The following PEAK1 variants were observed in gnomAD, a reference collection of about 807,000 sequenced individuals.
PEAK1 encodes the protein inactive tyrosine-protein kinase PEAK1.
A neutral mutation model predicts 124.7 loss-of-function variants in PEAK1; 54 were observed. That is an observed-to-expected ratio of 0.43 (90% CI 0.35 to 0.54). The LOEUF (loss-of-function observed/expected upper bound fraction) is 0.54, where lower values mean the gene tolerates loss of function less well. Among genes scored for constraint, PEAK1 ranks in the 20% least tolerant of loss-of-function variants. The probability of loss-of-function intolerance (pLI) is 0.01; values close to 1 mark genes in which losing one functional copy is unlikely to be tolerated. For synonymous variants in PEAK1, 719 were observed against 760.0 expected, an observed-to-expected ratio of 0.95 and a Z score of 0.89; for missense variants, 2,046 against 2,134.5, an observed-to-expected ratio of 0.96 and a Z score of 0.82.
At chr15:77,116,808 G>A (rs1477884175) in intron 9 of PEAK1, among the ~76,000 whole-genome samples, 3 of 151,872 alleles carry the variant, frequency 2.0e-5, no homozygotes, top group African/African-American at 7.3e-5. Context: ...TTCAGTTTGA[G>A]GATATACTAA....
chr15:77,226,063 A>ATATATATATATATATATG (rs2059647183), intron 6 of PEAK1, among the ~76,000 whole-genome samples: 1 of 123,448 alleles, frequency 8.1e-6, no homozygotes. Context: ...ATATATATAT[A>ATATATATATATATATATG]TATATATATA....
chr15:77,177,757 A>T (rs1348304664), intron 7 of PEAK1: 3 of 152,188 alleles, frequency 2.0e-5, no homozygotes, highest in Non-Finnish European at 1.5e-5. Context: ...TTGGGATAAA[A>T]GTTCCTTGTT....
chr15:77,356,002 C>T (rs1347012341), intron 2 of PEAK1: 2 of 914,216 alleles, frequency 2.2e-6, no homozygotes, highest in Admixed American at 6.2e-5. Context: ...AAAAGAACTA[C>T]TAAAGTTCTA....
At chr15:77,318,727 C>CAAACATATTCATA (rs2065024769) in intron 2 of PEAK1, among the ~76,000 whole-genome samples, 1 of 151,814 alleles carries the variant, frequency 6.6e-6, no homozygotes, top group Non-Finnish European at 1.5e-5. Flanking sequence ...TATTCTAATT[C>CAAACATATTCATA]TCCTTTATGA....
intron 2 of PEAK1, chr15:77,333,599 T>C: frequency 3.2e-6 from 3 of 947,570 alleles, no homozygotes; most frequent in Non-Finnish European, 3.8e-6. Context: ...ATTTTAACCA[T>C]CTGAAATCTT....
intron 1 of PEAK1, among the ~76,000 whole-genome samples, chr15:77,371,716 C>T (rs1286547613): frequency 1.3e-5 from 2 of 152,132 alleles, no homozygotes; most frequent in Non-Finnish European, 2.9e-5. Context: ...GGTGAAATGC[C>T]GTCTCTACTA....
rs75084851 is a variant in PEAK1, at chr15:77,418,782, T to C, written c.-666+1224A>G. The stretch of plus-strand genomic sequence containing the variant: ...CACTTCCACACTGCAGAGAGCAATA[T>C]GGGTTCTCTGACTATACACATCACT... On this transcript the variant is annotated intron_variant, in intron 1 of 9. Transcript: ENST00000682557. The C allele has an allele frequency of 2.2e-3, 2,148 of 985,350 alleles. 43 individuals are homozygous for C. The African/African-American group carries it at 0.035, about 16-fold the overall frequency. The allele number at this position is 985,350 out of a possible 1,614,324, so 61.0% of individuals were successfully genotyped here.
chr15:77,267,129 T>C (rs1226845206), intron 5 of PEAK1, among the ~76,000 whole-genome samples: 1 of 152,074 alleles, frequency 6.6e-6, no homozygotes, highest in Non-Finnish European at 1.5e-5. Flanking sequence ...ATAATCTTCC[T>C]GGGAACATAA....
chr15:77,248,378 A>T (rs1412495491), intron 6 of PEAK1, among the ~76,000 whole-genome samples: 1 of 152,244 alleles, frequency 6.6e-6, no homozygotes, highest in Non-Finnish European at 1.5e-5. Flanking sequence ...TAAGGTTTAA[A>T]GATAATCCGT....
intron 1 of PEAK1, chr15:77,403,954 G>C: frequency 1.0e-6 from 1 of 965,794 alleles, no homozygotes; most frequent in Non-Finnish European, 1.2e-6. Flanking sequence ...TTGTTGCATG[G>C]GTAAACTGCG....
chr15:77,345,872 T>C, intron 2 of PEAK1: 1 of 961,682 alleles, frequency 1.0e-6, no homozygotes, highest in Non-Finnish European at 1.2e-6. Flanking sequence ...GTACAACAAT[T>C]ACATATCAAT....
chr15:77,341,517 G>T (rs968873530), intron 2 of PEAK1, among the ~76,000 whole-genome samples: 22 of 150,844 alleles, frequency 1.5e-4, no homozygotes, highest in South Asian at 1.3e-3. Context: ...AAAAAAAAAA[G>T]CTCCACTGAG....
At chr15:77,159,262 T>C (rs114892511) in intron 7 of PEAK1, among the ~76,000 whole-genome samples, 1,820 of 152,268 alleles carry the variant, frequency 0.012, 30 homozygotes, top group African/African-American at 0.04. Flanking sequence ...GCCAAGAGAA[T>C]AGAAGCATCA....
intron 1 of PEAK1, among the ~76,000 whole-genome samples, chr15:77,367,499 T>C (rs1325226204): frequency 1.3e-5 from 2 of 152,198 alleles, no homozygotes; most frequent in African/African-American, 2.4e-5. Flanking sequence ...CCTCAAACTG[T>C]ACTGCACATA....
chr15:77,352,882 T>G (rs984726354), intron 2 of PEAK1: 5 of 985,186 alleles, frequency 5.1e-6, no homozygotes, highest in Admixed American at 1.2e-4. Flanking sequence ...TAGTGAAGGA[T>G]CAATGTGTGG....
At chr15:77,385,238 T>C (rs775492250) in intron 1 of PEAK1, among the ~76,000 whole-genome samples, 22 of 152,206 alleles carry the variant, frequency 1.4e-4, no homozygotes, top group Non-Finnish European at 2.1e-4. Context: ...TTGTCTGTCA[T>C]TATTTCTGCT....
At chr15:77,295,359 C>CA (rs950771229) in intron 2 of PEAK1, among the ~76,000 whole-genome samples, 7 of 151,690 alleles carry the variant, frequency 4.6e-5, no homozygotes, top group South Asian at 2.1e-4. Context: ...CATTTTAAAA[C>CA]AAAAAAAATC....
At chr15:77,286,073 A>G (rs1354558302) in intron 3 of PEAK1, among the ~76,000 whole-genome samples, 1 of 152,016 alleles carries the variant, frequency 6.6e-6, no homozygotes, top group Middle Eastern at 3.2e-3. Context: ...CTCAAAGACC[A>G]TTTGGTTTCA....
At chr15:77,118,117 AT>A (rs960659582) in intron 9 of PEAK1, among the ~76,000 whole-genome samples, 3 of 152,226 alleles carry the variant, frequency 2.0e-5, no homozygotes, top group African/African-American at 7.2e-5. Flanking sequence ...TTATCTCTTC[AT>A]TTTATAATAC....
Sources: allele counts gnomAD v4.1 joint callset (sites outside exome capture counted in the v4.1 genomes callset), GRCh38; gene constraint gnomAD v4.1.1; transcripts MANE v1.5; gene names NCBI Gene and HGNC (gene_info 2026-07-23, HGNC 2026-07-21).